RAD21: variants seen among roughly 807,000 people sequenced by gnomAD.
RAD21 encodes RAD21 cohesin complex component.
In RAD21, 18 loss-of-function variants were observed where a neutral mutation model predicts 71.5. The ratio of observed to expected loss-of-function variants is 0.25; its 90% confidence interval spans 0.17 to 0.37. The LOEUF (loss-of-function observed/expected upper bound fraction) is 0.37, where lower values mean the gene tolerates loss of function less well. Among genes scored for constraint, RAD21 ranks in the 10% least tolerant of loss-of-function variants. RAD21 has a pLI of 1.00. For missense variants in RAD21, 493 were observed against 769.1 expected, an observed-to-expected ratio of 0.64 and a Z score of 4.25; for synonymous variants, 248 against 254.0, an observed-to-expected ratio of 0.98 and a Z score of 0.22.
chr8:116,874,704 G>T lies in RAD21; in HGVS notation c.-126C>A. ...GGGGAAAGGGGGGAGCCCTTGCGAG[G>T]TGTAGCTTCCGAGCAGCTCCCGCCG... On this transcript the variant is annotated 5_prime_UTR_variant, in exon 1 of 14. Coordinates refer to ENST00000297338, the MANE Select transcript of RAD21 (RefSeq NM_006265.3). 2.3e-6 allele frequency: 1 copy of T among 439,470 alleles called. No individual in the cohort carries two copies. The highest frequency in any genetic ancestry group is 1.6e-5 in the South Asian group (1 of 61,714). 27.2% of individuals were successfully genotyped at this position (439,470 alleles called of 1,614,324 possible). A position where few individuals can be genotyped will look rare whatever the true frequency, so the allele number is the denominator to read the frequency against.
intron 1 of RAD21, chr8:116,873,972 C>A (rs1455140511): frequency 1.3e-5 from 2 of 152,234 alleles, no homozygotes; most frequent in African/African-American, 4.8e-5. Context: ...TTTTTCCACG[C>A]GTCTGTGAAA....
At chr8:116,850,160 G>A (rs1480523470) in intron 12 of RAD21, among the ~76,000 whole-genome samples, 1 of 152,176 alleles carries the variant, frequency 6.6e-6, no homozygotes, top group Admixed American at 6.5e-5. Flanking sequence ...CAGTCTAAGT[G>A]TTTTAGCAAA....
At chr8:116,856,578 T>C (rs935341564) in intron 7 of RAD21, 68 bp downstream of exon 7, 1 of 1,472,606 alleles carries the variant, frequency 6.8e-7, no homozygotes, top group African/African-American at 1.5e-5. Context: ...GTTTGTCATC[T>C]TCTATGGTAA....
chr8:116,849,030 C>G lies in RAD21; in HGVS notation c.1621-1G>C. On this transcript the variant is annotated splice_acceptor_variant, in intron 12 of 13. Transcript: ENST00000297338. LOFTEE classifies it high-confidence loss of function. ...GATCGCCCCCTGATGCATCTTCATC[C>G]TGAATAAAAATGACCCCCAAAAAGC... is the stretch of plus-strand genomic sequence containing the variant. 6.4e-7 allele frequency: 1 copy of G among 1,573,412 alleles called. No individual in the cohort carries two copies. The highest frequency in any genetic ancestry group is 8.6e-7 in the Non-Finnish European group (1 of 1,163,058).
rs765484371 is a variant in RAD21 at position 116,850,603 on chromosome 8, TATTA to T, written c.1620+11_1620+14del. On this transcript the variant is annotated intron_variant, in intron 12 of 13. Coordinates refer to ENST00000297338, the MANE Select transcript of RAD21 (RefSeq NM_006265.3). The stretch of plus-strand genomic sequence containing the variant: ...TTTTTGCTAAATCTGGAATGAAAAT[TATTA>T]ATTAGTTTACCTCTTCCTCTTCATC... 1.2e-5 allele frequency: 19 copies of T among 1,603,124 alleles called. No homozygotes were observed. In the East Asian group the frequency reaches 3.1e-4, roughly 26 times the overall value.
intron 4 of RAD21, among the ~76,000 whole-genome samples, chr8:116,860,791 T>C (rs931886084): frequency 2.0e-5 from 3 of 152,166 alleles, no homozygotes; most frequent in Non-Finnish European, 4.4e-5. Context: ...ACTGATAATT[T>C]TTTTAAAGGT....
rs16918579 is a variant in RAD21, at chr8:116,846,293, A to AT, written c.*1206dup. The AT allele has an allele frequency of 2.4e-4, 55 of 229,802 alleles. No individual in the cohort carries two copies. The highest frequency in any genetic ancestry group is 1.3e-3 in the Middle Eastern group (1 of 762). 14.2% of individuals were successfully genotyped at this position (229,802 alleles called of 1,614,324 possible). A position where few individuals can be genotyped will look rare whatever the true frequency, so the allele number is the denominator to read the frequency against. On this transcript the variant is annotated 3_prime_UTR_variant, in exon 14 of 14. Transcript: ENST00000297338. ...CACTGAAGTCTGAGTTTCAAAAGTG[A>AT]TTTTTTTTTCCCACAAAAGTTTCAA...
At chr8:116,866,816 T>C (rs981503275) in intron 1 of RAD21, 55 bp from the exon 2 acceptor site, 3 of 1,232,372 alleles carry the variant, frequency 2.4e-6, no homozygotes, top group African/African-American at 3.1e-5. Context: ...TAAATACTTA[T>C]CAAGACATAA....
intron 9 of RAD21, among the ~76,000 whole-genome samples, chr8:116,853,287 C>T (rs1330713049): frequency 6.6e-6 from 1 of 152,158 alleles, no homozygotes. Flanking sequence ...CCATGTTAGC[C>T]AAGCTGGTCT....
chr8:116,851,895 A>G, intron 11 of RAD21, 53 bp downstream of exon 11: 1 of 1,539,950 alleles, frequency 6.5e-7, no homozygotes, highest in South Asian at 1.2e-5. Context: ...ACCACTTGCT[A>G]CTGACTGTAT....
rs1173998943 is a variant in RAD21, at chr8:116,871,383, T to C, written c.-33+3228A>G. Among the ~76,000 whole-genome samples, 3 of 152,180 alleles carry C rather than the reference T, an allele frequency of 2.0e-5. No homozygotes were observed. In the East Asian group the frequency reaches 5.8e-4, roughly 29 times the overall value. Reference sequence around the variant, plus strand: ...TTTTTTTCAATTGACCCTAAAAAATTAAAGTCTGATGTGAAACAGCAGAAA... The same window carrying C: ...TTTTTTTCAATTGACCCTAAAAAATCAAAGTCTGATGTGAAACAGCAGAAA... On this transcript the variant is annotated intron_variant, in intron 1 of 13. Transcript: ENST00000297338.
chr8:116,852,319 T>C, intron 10 of RAD21: 1 of 638,474 alleles, frequency 1.6e-6, no homozygotes, highest in Non-Finnish European at 2.6e-6. Flanking sequence ...CAGTACAATG[T>C]AGGACAATTC....
chr8:116,853,172 C>T (rs767315309), intron 9 of RAD21, among the ~76,000 whole-genome samples: 1 of 152,058 alleles, frequency 6.6e-6, no homozygotes, highest in Non-Finnish European at 1.5e-5. Flanking sequence ...TCCGCGCCCC[C>T]GGTTCAAGTG....
intron 2 of RAD21, among the ~76,000 whole-genome samples, chr8:116,864,898 A>C (rs937529396): frequency 1.3e-5 from 2 of 152,154 alleles, no homozygotes; most frequent in Non-Finnish European, 2.9e-5. Context: ...AAAGCTCTGC[A>C]AATAGGGCCA....
rs1812249378 is a variant in RAD21, at chr8:116,846,141, A to G, written c.*1359T>C. 4.3e-6 allele frequency: 1 copy of G among 231,298 alleles called. No homozygotes were observed. Among genetic ancestry groups the G allele is most frequent in the Non-Finnish European group, 8.6e-6 (1 of 116,634 alleles). 14.3% of individuals were successfully genotyped at this position (231,298 alleles called of 1,614,324 possible). A position where few individuals can be genotyped will look rare whatever the true frequency, so the allele number is the denominator to read the frequency against. ...AAACTCCTTGGTTTACAGGCACATCATATTGAATGTAAAGCTGCAATAGCA... is the reference window on the plus strand; with the variant it reads ...AAACTCCTTGGTTTACAGGCACATCGTATTGAATGTAAAGCTGCAATAGCA... On this transcript the variant is annotated 3_prime_UTR_variant, in exon 14 of 14. Coordinates refer to ENST00000297338, the MANE Select transcript of RAD21 (RefSeq NM_006265.3).
At chr8:116,849,829 A>T (rs1268817325) in intron 12 of RAD21, among the ~76,000 whole-genome samples, 2 of 152,250 alleles carry the variant, frequency 1.3e-5, no homozygotes, top group East Asian at 3.8e-4. Context: ...AAAGATAAGC[A>T]CTATTATTAG....
In RAD21 at chr8:116,856,796, T is replaced by C. The variant is rs780133457; in HGVS notation, c.689-25A>G. ...TCTGAAATAGGGAATGTAAGTTAGTTATAATTTGAAAAAGAAATGCCAAAC... is the reference window on the plus strand; with the variant it reads ...TCTGAAATAGGGAATGTAAGTTAGTCATAATTTGAAAAAGAAATGCCAAAC... On this transcript the variant is annotated intron_variant, in intron 6 of 13. Coordinates refer to ENST00000297338, the MANE Select transcript of RAD21 (RefSeq NM_006265.3). 8 of 1,457,722 alleles carry C rather than the reference T, an allele frequency of 5.5e-6. No individual in the cohort carries two copies. In the South Asian group the frequency reaches 8.9e-5, roughly 16 times the overall value. The allele number at this position is 1,457,722 out of a possible 1,614,324, so 90.3% of individuals were successfully genotyped here.
At chr8:116,855,499 T>TA (rs1285137002) in intron 8 of RAD21, among the ~76,000 whole-genome samples, 1 of 152,140 alleles carries the variant, frequency 6.6e-6, no homozygotes, top group African/African-American at 2.4e-5. Flanking sequence ...TTTTTAAATT[T>TA]AAAAAAATTT....
At chr8:116,847,861 G>A (rs1812277396) in intron 13 of RAD21, among the ~76,000 whole-genome samples, 170 bp from the exon 14 acceptor site, 1 of 149,790 alleles carries the variant, frequency 6.7e-6, no homozygotes, top group African/African-American at 2.6e-5. Flanking sequence ...GGTGGGGATG[G>A]GGGTGGTGGT....
Sources: allele counts gnomAD v4.1 joint callset (sites outside exome capture counted in the v4.1 genomes callset), GRCh38; gene constraint gnomAD v4.1.1; transcripts MANE v1.5; gene names NCBI Gene and HGNC (gene_info 2026-07-23, HGNC 2026-07-21).